The following BRAF variants were observed in gnomAD, a reference collection of about 807,000 sequenced individuals.
BRAF encodes B-Raf proto-oncogene, serine/threonine kinase.
Under a neutral mutation model 104.6 loss-of-function variants are expected in BRAF, and 16 were observed. The ratio of observed to expected loss-of-function variants is 0.15; its 90% CI spans 0.10 to 0.23. The LOEUF (loss-of-function observed/expected upper bound fraction) is 0.23, where lower values mean the gene tolerates loss of function less well. Ranked by LOEUF, BRAF falls within the 10% of genes least tolerant of loss-of-function variation. The pLI, the probability that BRAF is intolerant of heterozygous loss-of-function variation, is 1.00. For synonymous variants in BRAF, 310 were observed against 341.6 expected (o/e 0.91, Z 1.02); for missense variants, 541 against 937.3 (o/e 0.58, Z 5.52).
At chr7:140,783,607 A>G (rs1368420627) in intron 10 of BRAF, 2 of 231,922 alleles carry the variant, frequency 8.6e-6, no homozygotes, top group East Asian at 1.2e-4. Context: ...AAATCCCCAG[A>G]TGGAAACATT....
intron 1 of BRAF, among the ~76,000 whole-genome samples, chr7:140,881,779 T>C (rs1263542468): frequency 1.3e-5 from 2 of 152,172 alleles, no homozygotes; most frequent in Admixed American, 6.6e-5. Context: ...AACTTCAATA[T>C]TGTTGTGTCT....
At chr7:140,746,854 A>G (rs1797393342) in intron 17 of BRAF, among the ~76,000 whole-genome samples, 1 of 150,934 alleles carries the variant, frequency 6.6e-6, no homozygotes, top group Admixed American at 6.6e-5. Context: ...AGAAAAAAGA[A>G]AAAAAAAAGA....
intron 17 of BRAF, among the ~76,000 whole-genome samples, chr7:140,743,891 TATTA>T (rs1797140516): frequency 6.6e-6 from 1 of 152,190 alleles, no homozygotes; most frequent in Non-Finnish European, 1.5e-5. Flanking sequence ...CTTTCAAAAA[TATTA>T]ATTGAAATGT....
chr7:140,816,302 A>C (rs1804878433), intron 3 of BRAF, among the ~76,000 whole-genome samples: 2 of 152,316 alleles, frequency 1.3e-5, no homozygotes, highest in Admixed American at 1.3e-4. Flanking sequence ...CTCTTTGATC[A>C]CTTGTAGATC....
chr7:140,900,049 G>C (rs148399343), intron 1 of BRAF, among the ~76,000 whole-genome samples: 1 of 152,326 alleles, frequency 6.6e-6, no homozygotes, highest in African/African-American at 2.4e-5. Flanking sequence ...ACTGATTACA[G>C]CCTCAAGGCC....
chr7:140,867,982 T>C (rs372501877), intron 1 of BRAF, among the ~76,000 whole-genome samples: 3 of 152,168 alleles, frequency 2.0e-5, no homozygotes, highest in Non-Finnish European at 2.9e-5. Context: ...TCTTGTACAA[T>C]TGAACTTGCT....
At chr7:140,757,125 C>T (rs547708424) in intron 14 of BRAF, among the ~76,000 whole-genome samples, 65 of 152,284 alleles carry the variant, frequency 4.3e-4, no homozygotes, top group African/African-American at 1.5e-3. Context: ...TATTTAATTA[C>T]ATGCTTCCTG....
chr7:140,844,755 G>A (rs117378677), intron 2 of BRAF, among the ~76,000 whole-genome samples: 3 of 152,080 alleles, frequency 2.0e-5, no homozygotes, highest in Non-Finnish European at 4.4e-5. Flanking sequence ...GTGAAACTCC[G>A]TCTCCACTAA....
At chr7:140,745,716 G>A (rs1232619586) in intron 17 of BRAF, among the ~76,000 whole-genome samples, 2 of 152,170 alleles carry the variant, frequency 1.3e-5, no homozygotes, top group East Asian at 1.9e-4. Flanking sequence ...GCCATTGAGA[G>A]CAGAGCCTGG....
downstream of BRAF, among the ~76,000 whole-genome samples, chr7:140,715,454 C>T (rs556949035): frequency 7.0e-4 from 107 of 152,190 alleles, no homozygotes; most frequent in Non-Finnish European, 1.2e-3. Flanking sequence ...CCCTCATGAC[C>T]GCCCACTCCC....
intron 14 of BRAF, among the ~76,000 whole-genome samples, chr7:140,763,543 C>T (rs1432988215): frequency 6.6e-6 from 1 of 152,160 alleles, no homozygotes; most frequent in African/African-American, 2.4e-5. Context: ...ATTGATAGAC[C>T]ACTAGCAAGA....
chr7:140,835,696 T>C (rs981270373), intron 2 of BRAF: 5 of 152,088 alleles, frequency 3.3e-5, no homozygotes, highest in Admixed American at 1.3e-4. Context: ...GGCTATAAAG[T>C]CAAGCAACCA....
intron 1 of BRAF, among the ~76,000 whole-genome samples, chr7:140,865,046 G>A (rs1315273373): frequency 6.6e-6 from 1 of 152,050 alleles, no homozygotes; most frequent in Non-Finnish European, 1.5e-5. Flanking sequence ...AGGAGTGGGA[G>A]CTGTGAGAGG....
intron 1 of BRAF, among the ~76,000 whole-genome samples, chr7:140,907,022 CCT>C (rs1816400072): frequency 6.6e-6 from 1 of 152,208 alleles, no homozygotes; most frequent in South Asian, 2.1e-4. Context: ...CATTCTTTCT[CCT>C]CTCTTTCCAG....
downstream of BRAF, among the ~76,000 whole-genome samples, chr7:140,716,111 C>G (rs893504438): frequency 1.3e-5 from 2 of 152,190 alleles, no homozygotes; most frequent in Admixed American, 6.5e-5. Context: ...ATGATGCACA[C>G]TATTTTCATT....
intron 1 of BRAF, among the ~76,000 whole-genome samples, chr7:140,897,488 T>TTTTTC (rs1313930791): frequency 2.1e-5 from 3 of 144,366 alleles, no homozygotes; most frequent in Admixed American, 6.8e-5. Flanking sequence ...AAAGATTTCT[T>TTTTTC]TTTTCTTTTT....
intron 1 of BRAF, among the ~76,000 whole-genome samples, chr7:140,911,445 A>C (rs1005455242): frequency 2.0e-5 from 3 of 152,208 alleles, no homozygotes; most frequent in African/African-American, 7.2e-5. Flanking sequence ...CTATTAACAA[A>C]AAAACCCCAC....
intron 7 of BRAF, 97 bp from the exon 8 acceptor site, chr7:140,794,564 A>G: frequency 7.2e-7 from 1 of 1,389,776 alleles, no homozygotes; most frequent in Admixed American, 1.9e-5. Context: ...TTGTTTTTAT[A>G]TTCTCAAAAT....
chr7:140,746,056 T>C (rs1797320394), intron 17 of BRAF, among the ~76,000 whole-genome samples: 1 of 152,200 alleles, frequency 6.6e-6, no homozygotes, highest in Non-Finnish European at 1.5e-5. Context: ...TCTACTCTAG[T>C]CAATACGGTG....
Sources: allele counts gnomAD v4.1 joint callset (sites outside exome capture counted in the v4.1 genomes callset), GRCh38; gene constraint gnomAD v4.1.1; transcripts MANE v1.5; gene names NCBI Gene and HGNC (gene_info 2026-07-23, HGNC 2026-07-21).